DSC3: variants seen among roughly 807,000 people sequenced by gnomAD.
DSC3 encodes the protein desmocollin-3.
DSC3 carries 97 observed loss-of-function variants against 89.5 expected under a neutral mutation model. The ratio of observed to expected loss-of-function variants is 1.08; its 90% CI spans 0.92 to 1.28. The LOEUF is 1.28. Ranked by LOEUF, DSC3 falls within the 50% of genes most tolerant of loss-of-function variation. The pLI is 0.00. For synonymous variants in DSC3, 436 were observed against 384.1 expected, an observed-to-expected ratio of 1.14 and a Z score of -1.58; for missense variants, 1,199 against 1,085.3, an observed-to-expected ratio of 1.10 and a Z score of -1.47.
At position 31,030,953 on chromosome 18, in the gene DSC3, A is replaced by ACC; in HGVS notation, c.354+19_354+20insGG. 6.2e-7 allele frequency: 1 copy of ACC among 1,605,764 alleles called. No individual in the cohort carries two copies. Among genetic ancestry groups the ACC allele is most frequent in the Non-Finnish European group, 8.5e-7 (1 of 1,172,754 alleles). On this transcript the variant is annotated intron_variant, in intron 3 of 15. Coordinates refer to ENST00000360428, the MANE Select transcript of DSC3 (RefSeq NM_001941.5). ...TTTTAATGAAAAAATGACTGAAAAT[A>ACC]TTTAATGTACTTTAAATACCTTCTT... is the stretch of plus-strand genomic sequence containing the variant.
chr18:31,040,166 A>C (rs1377268853), intron 1 of DSC3, among the ~76,000 whole-genome samples: 1 of 152,124 alleles, frequency 6.6e-6, no homozygotes, highest in African/African-American at 2.4e-5. Context: ...ATTTGAGGGG[A>C]GTTATTGCAA....
intron 9 of DSC3, among the ~76,000 whole-genome samples, chr18:31,010,281 C>G (rs1985013670): frequency 6.6e-6 from 1 of 152,096 alleles, no homozygotes; most frequent in Non-Finnish European, 1.5e-5. Context: ...AATATCTGTT[C>G]GTTTGATGCT....
intron 1 of DSC3, among the ~76,000 whole-genome samples, chr18:31,035,935 G>A (rs947502969): frequency 6.6e-6 from 1 of 152,022 alleles, no homozygotes; most frequent in Admixed American, 6.6e-5. Context: ...CTGTTTATAT[G>A]CATCCTTTTG....
chr18:31,030,315 T>A lies in DSC3; in HGVS notation c.354+658A>T, dbSNP rs929989978. On this transcript the variant is annotated intron_variant, in intron 3 of 15. Transcript: ENST00000360428. The stretch of plus-strand genomic sequence containing the variant: ...GATGCAGCAAGGGAGACATTTTATT[T>A]CATAAGAATTAATTAATAATTGCAT... Among the ~76,000 whole-genome samples the A allele has an allele frequency of 2.0e-5, 3 of 152,248 alleles. 1 individual carries two copies. Among genetic ancestry groups the A allele is most frequent in the Non-Finnish European group, 4.4e-5 (3 of 68,028 alleles).
In DSC3 at chr18:31,031,071, C is replaced by T; in HGVS notation, c.256G>A (p.Ala86Thr). Residue 86 changes from alanine (A) to threonine (T), a missense_variant, in exon 3 of 16, where the codon GCG (alanine) becomes ACG (threonine). By Grantham distance (58) the Ala-to-Thr change is moderately conservative (BLOSUM62 0). Transcript: ENST00000360428. ...AATGATCTTTTCTTATCAGACAGCG[C>T]AACAGCCCTGGCTGTGTACACTGAC... Reference protein sequence around the residue: ...DGSVYTARAVALSDKKRSFTI... With the variant: ...DGSVYTARAVTLSDKKRSFTI... The T allele has an allele frequency of 6.2e-7, 1 of 1,614,072 alleles. No homozygotes were observed. Among genetic ancestry groups the T allele is most frequent in the Non-Finnish European group, 8.5e-7 (1 of 1,179,974 alleles).
chr18:30,995,217 G>A (rs529794390), intron 15 of DSC3, among the ~76,000 whole-genome samples: 1 of 152,250 alleles, frequency 6.6e-6, no homozygotes, highest in South Asian at 2.1e-4. Flanking sequence ...CATTGGCATG[G>A]CTTACGTTCT....
intron 3 of DSC3, among the ~76,000 whole-genome samples, chr18:31,030,753 G>C (rs187980344): frequency 6.6e-6 from 1 of 151,466 alleles, no homozygotes; most frequent in African/African-American, 2.4e-5. Context: ...GAAAAGGAAG[G>C]GGAAGGAAAG....
Position 31,030,963 on chromosome 18 carries a change from C to T in DSC3, c.354+10G>A. The T allele has an allele frequency of 6.2e-7, 1 of 1,611,160 alleles. No individual in the cohort carries two copies. Among genetic ancestry groups the T allele is most frequent in the Non-Finnish European group, 8.5e-7 (1 of 1,177,552 alleles). The stretch of plus-strand genomic sequence containing the variant: ...AAAATGACTGAAAATATTTAATGTA[C>T]TTTAAATACCTTCTTCTGATGTTCT... On this transcript the variant is annotated intron_variant, in intron 3 of 15. Transcript: ENST00000360428.
chr18:31,004,343 G>C lies in DSC3; in HGVS notation c.1912C>G (p.Gln638Glu). 1 of 1,613,836 alleles carries C rather than the reference G, an allele frequency of 6.2e-7. No homozygotes were observed. The highest frequency in any genetic ancestry group is 2.2e-5 in the East Asian group (1 of 44,872). The stretch of plus-strand genomic sequence containing the variant: ...TATTCTTGAAATCCAGCATTTTTCT[G>C]ATATGAAAGACGGGCAGCTGTATCT... ...VNDTAARLSY[Q>E]KNAGFQEYTI... Residue 638 changes from glutamine (Q) to glutamate (E), a missense_variant, in exon 13 of 16, where the codon CAG becomes GAG. Coordinates refer to ENST00000360428, the MANE Select transcript of DSC3 (RefSeq NM_001941.5).
chr18:31,008,938 C>T (rs1326143728), intron 9 of DSC3, among the ~76,000 whole-genome samples: 2 of 152,032 alleles, frequency 1.3e-5, no homozygotes, highest in Non-Finnish European at 2.9e-5. Context: ...TGACTATGGC[C>T]CAGGCATTTT....
At chr18:31,022,223 C>A in intron 7 of DSC3, 113 bp downstream of exon 7, 1 of 1,302,818 alleles carries the variant, frequency 7.7e-7, no homozygotes, top group Non-Finnish European at 1.1e-6. Context: ...TTCTTATTGT[C>A]TTATGCCTAA....
chr18:31,002,725 A>AAAGG (rs1424793499), intron 13 of DSC3, among the ~76,000 whole-genome samples: 1 of 149,096 alleles, frequency 6.7e-6, no homozygotes. Context: ...AGAAAGAAAG[A>AAAGG]AAAAAAAAAG....
At chr18:31,042,571 A>T in intron 1 of DSC3, 21 bp downstream of exon 1, 1 of 1,549,928 alleles carries the variant, frequency 6.5e-7, no homozygotes, top group East Asian at 2.4e-5. Context: ...CCCCAGCCCT[A>T]TCCGGCGAGA....
chr18:31,003,368 T>C (rs935961945), intron 13 of DSC3, among the ~76,000 whole-genome samples: 2 of 152,230 alleles, frequency 1.3e-5, no homozygotes, highest in African/African-American at 4.8e-5. Flanking sequence ...CCTAGAACAG[T>C]TTCCTGCCTA....
rs1984757472 is a variant in DSC3, at chr18:31,004,184, A to T, written c.2071T>A (p.Trp691Arg). Residue 691 changes from tryptophan to arginine, a missense_variant, in exon 13 of 16, where the codon TGG becomes AGG. Physicochemically the swap from Trp to Arg is moderately radical, Grantham distance 101. Coordinates refer to ENST00000360428, the MANE Select transcript of DSC3 (RefSeq NM_001941.5). ...SRSTGVILGK[W>R]AILAILLGIA... is the part of the protein sequence containing the mutation. ...CCCAGTAATATTGCAAGGATTGCCC[A>T]TTTTCCAAGTATTACTCCTGTACTC... 6.2e-7 allele frequency: 1 copy of T among 1,613,816 alleles called. No individual in the cohort carries two copies. The highest frequency in any genetic ancestry group is 1.3e-5 in the African/African-American group (1 of 74,906).
intron 1 of DSC3, among the ~76,000 whole-genome samples, chr18:31,039,125 T>C (rs971136386): frequency 2.6e-5 from 4 of 152,090 alleles, no homozygotes; most frequent in Non-Finnish European, 4.4e-5. Flanking sequence ...TATAACAAAC[T>C]TTAAAGATGA....
chr18:30,997,061 A>G lies in DSC3; in HGVS notation c.2236-13T>C. 6.2e-7 allele frequency: 1 copy of G among 1,614,128 alleles called. No individual in the cohort carries two copies. Among genetic ancestry groups the G allele is most frequent in the Admixed American group, 1.7e-5 (1 of 60,018 alleles). ...CATTGGCAGAGCACTGAAATAATAA[A>G]ATGAAATAATTCATGTTGAGAGGAA... On this transcript the variant is annotated splice_polypyrimidine_tract_variant and intron_variant, in intron 14 of 15. Coordinates refer to ENST00000360428, the MANE Select transcript of DSC3 (RefSeq NM_001941.5).
chr18:31,016,037 C>T (rs1013020363), intron 9 of DSC3, among the ~76,000 whole-genome samples: 3 of 152,116 alleles, frequency 2.0e-5, no homozygotes, highest in East Asian at 1.9e-4. Context: ...AAAGACATTC[C>T]CACCAGCGCC....
At chr18:30,999,951 G>T (rs1249306171) in intron 14 of DSC3, among the ~76,000 whole-genome samples, 1 of 152,014 alleles carries the variant, frequency 6.6e-6, no homozygotes, top group Non-Finnish European at 1.5e-5. Context: ...GCATTAAATG[G>T]CAAAGAACAG....
Sources: allele counts gnomAD v4.1 joint callset (sites outside exome capture counted in the v4.1 genomes callset), GRCh38; gene constraint gnomAD v4.1.1; transcripts MANE v1.5; gene names NCBI Gene and HGNC (gene_info 2026-07-23, HGNC 2026-07-21).